Variants in RPTOR observed in about 807,000 individuals in gnomAD.
RPTOR encodes the protein regulatory-associated protein of mTOR.
In RPTOR, 21 loss-of-function variants were observed where a neutral mutation model predicts 169.9. The observed-to-expected ratio is 0.12, with a 90% CI of 0.09 to 0.18. The LOEUF (loss-of-function observed/expected upper bound fraction) is 0.18, where lower values mean the gene tolerates loss of function less well. Ranked by LOEUF, RPTOR falls within the 10% of genes least tolerant of loss-of-function variation. The pLI, the probability that RPTOR is intolerant of heterozygous loss-of-function variation, is 1.00. For missense variants in RPTOR, 1,133 were observed against 1,855.9 expected (o/e 0.61, Z 7.16); for synonymous variants, 732 against 753.2 (o/e 0.97, Z 0.46).
At position 80,835,898 on chromosome 17, in the gene RPTOR, C is replaced by T. The variant is rs59717247; in HGVS notation, c.1137-2024C>T. On this transcript the variant is annotated intron_variant, in intron 9 of 33. Transcript: ENST00000306801. Reference sequence around the variant, plus strand: ...CTGTGTTCTGTGGCTGTGCTGAGAGCGAGGTGATGATTCACTTCCAGTTGA... The same window carrying T: ...CTGTGTTCTGTGGCTGTGCTGAGAGTGAGGTGATGATTCACTTCCAGTTGA... 7.9e-5 allele frequency among the ~76,000 whole-genome samples: 12 copies of T among 152,260 alleles called. No homozygotes were observed. The East Asian group carries it at 2.1e-3, about 27-fold the overall frequency.
chr17:80,662,427 A>G (rs1301232804), intron 3 of RPTOR, among the ~76,000 whole-genome samples: 1 of 151,856 alleles, frequency 6.6e-6, no homozygotes, highest in African/African-American at 2.4e-5. Context: ...CTCAGAGACT[A>G]GGGTTTTTAT....
rs546125658 is a variant in RPTOR, at chr17:80,665,613, C to T, written c.348+21803C>T. On this transcript the variant is annotated intron_variant, in intron 3 of 33. Transcript: ENST00000306801. ...AGGCTGGAGTGCAGTGGCGTGATCTCGGCTCACTGCAACCTCCGCCTCCCA... is the reference window on the plus strand; with the variant it reads ...AGGCTGGAGTGCAGTGGCGTGATCTTGGCTCACTGCAACCTCCGCCTCCCA... 4.0e-3 allele frequency among the ~76,000 whole-genome samples: 603 copies of T among 150,488 alleles called. 23 individuals carry two copies. In the Middle Eastern group the frequency reaches 0.041, roughly 10 times the overall value.
chr17:80,872,229 C>T lies in RPTOR; in HGVS notation c.1510-8186C>T, dbSNP rs569465062. ...GAAGCTGTCATCAGCGAGGAGGTGCCGTTGAGGGGACTCCGGGTGATGCTT... is the reference window on the plus strand; with the variant it reads ...GAAGCTGTCATCAGCGAGGAGGTGCTGTTGAGGGGACTCCGGGTGATGCTT... On this transcript the variant is annotated intron_variant, in intron 13 of 33. Coordinates refer to ENST00000306801, the MANE Select transcript of RPTOR (RefSeq NM_020761.3). Among the ~76,000 whole-genome samples, 5 of 152,256 alleles carry T rather than the reference C, an allele frequency of 3.3e-5. No individual in the cohort carries two copies. In the East Asian group the frequency reaches 5.8e-4, roughly 18 times the overall value.
chr17:80,896,363 C>A (rs1340174185), intron 20 of RPTOR, among the ~76,000 whole-genome samples: 1 of 151,594 alleles, frequency 6.6e-6, no homozygotes. Context: ...CCCACACAGC[C>A]GCCCCGACAC....
chr17:80,580,579 C>T (rs916159176), intron 1 of RPTOR, among the ~76,000 whole-genome samples: 6 of 152,132 alleles, frequency 3.9e-5, no homozygotes, highest in African/African-American at 1.4e-4. Context: ...TTATGCCCTT[C>T]GTCCACTTGT....
At chr17:80,893,115 A>C (rs1487160475) in intron 19 of RPTOR, among the ~76,000 whole-genome samples, 2 of 152,238 alleles carry the variant, frequency 1.3e-5, no homozygotes, top group Non-Finnish European at 2.9e-5. Flanking sequence ...GCGCAGCCGC[A>C]GTTGAGGCGG....
At chr17:80,760,137 A>G (rs968958727) in intron 6 of RPTOR, among the ~76,000 whole-genome samples, 3 of 151,994 alleles carry the variant, frequency 2.0e-5, no homozygotes, top group South Asian at 2.1e-4. Flanking sequence ...TCAGCCTGGC[A>G]CTCTGATGGG....
Position 80,964,270 on chromosome 17 carries a change from G to A in RPTOR, c.3948G>A (p.Leu1316=). The change falls in exon 34 of 34, where the codon CTG becomes CTA. Residue 1316 remains leucine (L), a synonymous_variant. Transcript: ENST00000306801. ...CTTCTCTCTCCTTGCAGCCTCACCT[G>A]GCCGTGGGAAGCAACGACTACTACA... ...CLAFHPHWPH[L]AVGSNDYYIS... 1 of 1,605,942 alleles carries A rather than the reference G, an allele frequency of 6.2e-7. No individual in the cohort carries two copies. Among genetic ancestry groups the A allele is most frequent in the South Asian group, 1.1e-5 (1 of 91,016 alleles).
In RPTOR at chr17:80,746,612, C is replaced by T. The variant is rs2066578092; in HGVS notation, c.655-7398C>T. On this transcript the variant is annotated intron_variant, in intron 5 of 33. Coordinates refer to ENST00000306801, the MANE Select transcript of RPTOR (RefSeq NM_020761.3). This position sits in a 1 kb window ranked among gnomAD's most constrained non-coding sequence, Gnocchi z 4.5. ...AGTCCCTAGGCTCCCCGGAGAAACC[C>T]CTTTGGGTGCACGCTCACCTTAGGC... Among the ~76,000 whole-genome samples, 1 of 152,272 alleles carries T rather than the reference C, an allele frequency of 6.6e-6. No individual in the cohort carries two copies. Among genetic ancestry groups the T allele is most frequent in the South Asian group, 2.1e-4 (1 of 4,824 alleles).
intron 11 of RPTOR, among the ~76,000 whole-genome samples, chr17:80,850,711 TAC>T (rs1190055327): frequency 6.6e-6 from 1 of 152,232 alleles, no homozygotes; most frequent in African/African-American, 2.4e-5. Context: ...GGTCTGAAAG[TAC>T]AGGATTGTTA....
rs1885932324 is a variant in RPTOR, at chr17:80,965,200, C to G, written c.*870C>G. 4.3e-6 allele frequency: 1 copy of G among 233,240 alleles called. No individual in the cohort carries two copies. Among genetic ancestry groups the G allele is most frequent in the Admixed American group, 5.6e-5 (1 of 17,792 alleles). The allele number at this position is 233,240 out of a possible 1,614,324, so 14.4% of individuals were successfully genotyped here. On this transcript the variant is annotated 3_prime_UTR_variant, in exon 34 of 34. Coordinates refer to ENST00000306801, the MANE Select transcript of RPTOR (RefSeq NM_020761.3). ...GCAGCCCGACCTGTGGTCTCCATGC[C>G]TGTGCCCTCACACAGGTGTAGCACA...
chr17:80,615,154 C>G (rs779295125), intron 1 of RPTOR, among the ~76,000 whole-genome samples: 1 of 152,116 alleles, frequency 6.6e-6, no homozygotes, highest in Non-Finnish European at 1.5e-5. Context: ...CCAGAAGACC[C>G]GAGAGCCGGT....
chr17:80,730,754 T>TTGTTTC lies in RPTOR; in HGVS notation c.654+48_654+49insTGTTTC. 3.2e-5 allele frequency: 23 copies of TTGTTTC among 721,614 alleles called. No homozygotes were observed. The highest frequency in any genetic ancestry group is 5.9e-5 in the South Asian group (4 of 67,248). 44.7% of individuals were successfully genotyped at this position (721,614 alleles called of 1,614,324 possible). The stretch of plus-strand genomic sequence containing the variant: ...AGCGGTGCTGGGTTTGGTTTTGTTT[T>TTGTTTC]CCCTGGGGGTGGGGTTTGGGTGGGG... On this transcript the variant is annotated intron_variant, in intron 5 of 33. Transcript: ENST00000306801. This position sits in a 1 kb window ranked among gnomAD's most constrained non-coding sequence, Gnocchi z 4.2.
intron 7 of RPTOR, among the ~76,000 whole-genome samples, chr17:80,814,906 TC>T (rs1488871132): frequency 1.3e-5 from 2 of 152,054 alleles, no homozygotes; most frequent in Non-Finnish European, 2.9e-5. Flanking sequence ...CAGGGGAGTG[TC>T]CTGAGAGGAG....
chr17:80,930,896 A>G (rs1356297828), intron 24 of RPTOR, among the ~76,000 whole-genome samples: 1 of 152,230 alleles, frequency 6.6e-6, no homozygotes, highest in Non-Finnish European at 1.5e-5. Flanking sequence ...CTGTAGTGCC[A>G]GCGCCTGTCT....
chr17:80,689,088 G>A (rs554474653), intron 3 of RPTOR, among the ~76,000 whole-genome samples: 1 of 152,346 alleles, frequency 6.6e-6, no homozygotes, highest in Non-Finnish European at 1.5e-5. Context: ...GCACCTTAAG[G>A]TGTTTTAAAC....
At chr17:80,953,581 G>A (rs531358419) in intron 28 of RPTOR, among the ~76,000 whole-genome samples, 5 of 152,276 alleles carry the variant, frequency 3.3e-5, no homozygotes, top group Admixed American at 6.5e-5. Flanking sequence ...CCTCCAGGCA[G>A]GACAGCACTG....
chr17:80,933,137 G>T (rs1436338097), intron 24 of RPTOR, among the ~76,000 whole-genome samples: 1 of 152,226 alleles, frequency 6.6e-6, no homozygotes, highest in Non-Finnish European at 1.5e-5. Flanking sequence ...AGCCAGGGAA[G>T]TTAGGCGAGC....
rs116437596 is a variant in RPTOR at position 80,937,202 on chromosome 17, C to T, written c.2920-3294C>T. Among the ~76,000 whole-genome samples, 962 of 152,260 alleles carry T rather than the reference C, an allele frequency of 6.3e-3. 11 individuals are homozygous for T. Among genetic ancestry groups the T allele is most frequent in the African/African-American group, 0.022 (911 of 41,546 alleles). On this transcript the variant is annotated intron_variant, in intron 24 of 33. Coordinates refer to ENST00000306801, the MANE Select transcript of RPTOR (RefSeq NM_020761.3). ...GCAGTGTGAGCGTTTAATGTGTTAG[C>T]GATCTTTTCCCATGGGTGCCTCTCC...
Sources: allele counts gnomAD v4.1 joint callset (sites outside exome capture counted in the v4.1 genomes callset), GRCh38; gene constraint gnomAD v4.1.1; non-coding constraint Gnocchi (gnomAD v3.1); transcripts MANE v1.5; gene names NCBI Gene and HGNC (gene_info 2026-07-23, HGNC 2026-07-21).